Variants in NIPAL2 observed in about 807,000 individuals in gnomAD.
NIPAL2 encodes NIPA like domain containing 2, also known as NIPA-like protein 2.
NIPAL2 carries 43 observed loss-of-function variants against 48.9 expected under a neutral mutation model. The ratio of observed to expected loss-of-function variants is 0.88; its 90% confidence interval spans 0.69 to 1.13. NIPAL2 has a LOEUF of 1.13. Among genes scored for constraint, NIPAL2 ranks in the 50% most tolerant of loss-of-function variants. The pLI, the probability that NIPAL2 is intolerant of heterozygous loss-of-function variation, is 0.00. For synonymous variants in NIPAL2, 167 were observed against 174.6 expected (o/e 0.96, Z 0.34); for missense variants, 446 against 461.4 (o/e 0.97, Z 0.31).
At chr8:98,245,482 C>T (rs1813263191) in intron 3 of NIPAL2, among the ~76,000 whole-genome samples, 1 of 152,178 alleles carries the variant, frequency 6.6e-6, no homozygotes, top group South Asian at 2.1e-4. Flanking sequence ...TTGCTATTGT[C>T]ATTTACTGAA....
At chr8:98,265,245 C>A (rs1248793417) in intron 1 of NIPAL2, among the ~76,000 whole-genome samples, 1 of 151,642 alleles carries the variant, frequency 6.6e-6, no homozygotes, top group Non-Finnish European at 1.5e-5. Context: ...TCTAAAACAC[C>A]AAAAGCAATG....
intron 1 of NIPAL2, among the ~76,000 whole-genome samples, chr8:98,267,113 A>T (rs868804471): frequency 1.3e-5 from 2 of 152,168 alleles, no homozygotes; most frequent in Admixed American, 6.5e-5. Context: ...TTTTGTTTTC[A>T]ATAATGTCTT....
At chr8:98,255,426 CTT>C (rs1813831540) in intron 1 of NIPAL2, among the ~76,000 whole-genome samples, 1 of 152,126 alleles carries the variant, frequency 6.6e-6, no homozygotes, top group Admixed American at 6.5e-5. Flanking sequence ...ACAAAGAACC[CTT>C]TTCAGAATGC....
chr8:98,230,497 A>C (rs1812390359), intron 4 of NIPAL2, among the ~76,000 whole-genome samples: 1 of 152,246 alleles, frequency 6.6e-6, no homozygotes, highest in African/African-American at 2.4e-5. Context: ...TTAATGTATT[A>C]GCATTCACCG....
intron 5 of NIPAL2, among the ~76,000 whole-genome samples, chr8:98,221,017 C>T (rs890073297): frequency 7.3e-6 from 1 of 137,534 alleles, no homozygotes; most frequent in East Asian, 2.1e-4. Flanking sequence ...CTCTTGTCGC[C>T]CAGACTGGAG....
At chr8:98,251,243 T>C (rs1422691792) in intron 3 of NIPAL2, among the ~76,000 whole-genome samples, 4 of 152,100 alleles carry the variant, frequency 2.6e-5, no homozygotes, top group East Asian at 1.9e-4. Flanking sequence ...ACTGTCATTA[T>C]GGAGAATAAA....
chr8:98,257,347 CTT>C (rs1162654230), intron 1 of NIPAL2, among the ~76,000 whole-genome samples: 4 of 58,010 alleles, frequency 6.9e-5, no homozygotes, highest in African/African-American at 1.3e-4. Flanking sequence ...TTCTTTCTTT[CTT>C]TTTTTTTTTT....
intron 3 of NIPAL2, among the ~76,000 whole-genome samples, chr8:98,242,509 A>ATTTTTTTTTTTTTTTTT (rs1813048673): frequency 3.4e-5 from 1 of 29,832 alleles, no homozygotes; most frequent in African/African-American, 8.6e-5. Context: ...TTTTTTTTTA[A>ATTTTTTTTTTTTTTTTT]CTGAGCCTGG....
rs559904328 is a variant in NIPAL2 at position 98,288,147 on chromosome 8, G to A, written c.135+5856C>T. Among the ~76,000 whole-genome samples, 576 of 151,258 alleles carry A rather than the reference G, an allele frequency of 3.8e-3. 4 individuals carry two copies. The highest frequency in any genetic ancestry group is 0.013 in the African/African-American group (539 of 41,166). ...GCTGGTGCACTGCACCCACTAACTCGTCATCTAGCATTAGGTATATCTCCC... is the reference window on the plus strand; with the variant it reads ...GCTGGTGCACTGCACCCACTAACTCATCATCTAGCATTAGGTATATCTCCC... On this transcript the variant is annotated intron_variant, in intron 1 of 10. Coordinates refer to ENST00000430223, the MANE Select transcript of NIPAL2 (RefSeq NM_001321635.2).
At chr8:98,222,165 A>G (rs1268912691) in intron 5 of NIPAL2, among the ~76,000 whole-genome samples, 1 of 152,104 alleles carries the variant, frequency 6.6e-6, no homozygotes, top group Admixed American at 6.5e-5. Flanking sequence ...GTAAAGCAAA[A>G]TGTGTCCTTA....
At position 98,192,953 on chromosome 8, in the gene NIPAL2, G is replaced by A. The variant is rs770325718; in HGVS notation, c.*25C>T. On this transcript the variant is annotated 3_prime_UTR_variant, in exon 11 of 11. Transcript: ENST00000430223. ...TTTAAAAAGGTGGTATCGAATAACAGGCCAACAGCCATCCTTCTCAGCATT... is the reference window on the plus strand; with the variant it reads ...TTTAAAAAGGTGGTATCGAATAACAAGCCAACAGCCATCCTTCTCAGCATT... The A allele has an allele frequency of 2.1e-6, 3 of 1,461,474 alleles. No homozygotes were observed. The highest frequency in any genetic ancestry group is 1.7e-5 in the Admixed American group (1 of 59,666). The allele number at this position is 1,461,474 out of a possible 1,614,324, so 90.5% of individuals were successfully genotyped here.
chr8:98,213,856 A>G (rs1811442368), intron 5 of NIPAL2, among the ~76,000 whole-genome samples: 1 of 152,070 alleles, frequency 6.6e-6, no homozygotes, highest in Non-Finnish European at 1.5e-5. Flanking sequence ...TGCCGTCATC[A>G]TTTCTTGTTC....
chr8:98,247,809 G>A (rs1813386426), intron 3 of NIPAL2, among the ~76,000 whole-genome samples: 1 of 152,192 alleles, frequency 6.6e-6, no homozygotes, highest in Admixed American at 6.5e-5. Context: ...CCTGAGACAA[G>A]AAGGATTAGC....
intron 4 of NIPAL2, among the ~76,000 whole-genome samples, chr8:98,224,755 C>CTTTTTTTTTTTTTTTT (rs371936351): frequency 2.3e-4 from 28 of 123,738 alleles, no homozygotes; most frequent in Non-Finnish European, 3.3e-4. Flanking sequence ...TCTTTCTTTT[C>CTTTTTTTTTTTTTTTT]TTTTTTTTTT....
intron 5 of NIPAL2, among the ~76,000 whole-genome samples, chr8:98,212,815 C>T (rs931773441): frequency 3.3e-5 from 5 of 152,144 alleles, no homozygotes; most frequent in South Asian, 2.1e-4. Context: ...ATGTGGGTAA[C>T]ACCTCCCACT....
At chr8:98,278,548 C>T (rs1563551601) in intron 1 of NIPAL2, among the ~76,000 whole-genome samples, 9 of 152,066 alleles carry the variant, frequency 5.9e-5, no homozygotes. Flanking sequence ...TTTACCTTTC[C>T]TGACTTCCCT....
intron 1 of NIPAL2, among the ~76,000 whole-genome samples, chr8:98,286,325 G>A (rs73698775): frequency 0.067 from 10,219 of 152,160 alleles, 718 homozygotes; most frequent in African/African-American, 0.17. Context: ...GAGGCCACAG[G>A]CAAGCAGCCA....
At chr8:98,266,138 G>A (rs1449347434) in intron 1 of NIPAL2, among the ~76,000 whole-genome samples, 1 of 103,156 alleles carries the variant, frequency 9.7e-6, no homozygotes, top group Non-Finnish European at 1.8e-5. Flanking sequence ...GTTGTGGGGT[G>A]GGGGGAGGGG....
At chr8:98,282,957 C>T (rs1586485610) in intron 1 of NIPAL2, among the ~76,000 whole-genome samples, 1 of 152,270 alleles carries the variant, frequency 6.6e-6, no homozygotes, top group East Asian at 1.9e-4. Context: ...GTGTCCCTAT[C>T]CTGAGAAAGC....
Sources: gnomAD v4.1 joint callset for allele counts (sites outside exome capture counted in the v4.1 genomes callset) on GRCh38, gnomAD v4.1.1 for gene constraint, MANE v1.5 for transcripts, NCBI Gene and HGNC (gene_info 2026-07-23, HGNC 2026-07-21) for gene names.